Variants in LRRTM4 observed in about 807,000 individuals in gnomAD.
The protein encoded by LRRTM4 is leucine-rich repeat transmembrane neuronal protein 4.
In LRRTM4, 25 loss-of-function variants were observed where a neutral mutation model predicts 47.6. The ratio of observed to expected loss-of-function variants is 0.53; its 90% CI spans 0.38 to 0.73. LRRTM4 has a LOEUF of 0.73. Among genes scored for constraint, LRRTM4 ranks in the 30% least tolerant of loss-of-function variants. The pLI is 0.00. For synonymous variants in LRRTM4, 311 were observed against 269.5 expected, an observed-to-expected ratio of 1.15 and a Z score of -1.51; for missense variants, 638 against 713.4, an observed-to-expected ratio of 0.89 and a Z score of 1.20.
chr2:77,102,836 C>G (rs1449910521), intron 3 of LRRTM4, among the ~76,000 whole-genome samples: 1 of 152,110 alleles, frequency 6.6e-6, no homozygotes, highest in African/African-American at 2.4e-5. Context: ...TCTGCTTTTG[C>G]TAATAAAGTC....
chr2:77,372,102 T>TA (rs1386169363), intron 3 of LRRTM4, among the ~76,000 whole-genome samples: 3 of 151,708 alleles, frequency 2.0e-5, no homozygotes, highest in East Asian at 1.9e-4. Flanking sequence ...ACTAAAGCTT[T>TA]AAAAAAATAT....
chr2:77,226,986 A>G (rs901535284), intron 3 of LRRTM4, among the ~76,000 whole-genome samples: 2 of 151,942 alleles, frequency 1.3e-5, no homozygotes, highest in Non-Finnish European at 2.9e-5. Context: ...CTTATACTCT[A>G]CTAGATGGAA....
chr2:77,188,686 A>C (rs1399372393), intron 3 of LRRTM4, among the ~76,000 whole-genome samples: 2 of 152,126 alleles, frequency 1.3e-5, no homozygotes, highest in Non-Finnish European at 2.9e-5. Flanking sequence ...GATAACATCT[A>C]ATGTGTGTGC....
intron 3 of LRRTM4, among the ~76,000 whole-genome samples, chr2:77,359,735 T>G (rs1423644612): frequency 6.6e-6 from 1 of 152,186 alleles, no homozygotes; most frequent in Non-Finnish European, 1.5e-5. Context: ...TAAGCCTAAT[T>G]TTTTCTTTTC....
At chr2:77,169,230 C>T (rs1350304570) in intron 3 of LRRTM4, among the ~76,000 whole-genome samples, 1 of 152,088 alleles carries the variant, frequency 6.6e-6, no homozygotes, top group African/African-American at 2.4e-5. Context: ...CCGGAGCAAT[C>T]AGGCAAGGGA....
At chr2:76,754,417 G>A (rs1393952385) in intron 3 of LRRTM4, among the ~76,000 whole-genome samples, 1 of 152,054 alleles carries the variant, frequency 6.6e-6, no homozygotes, top group Admixed American at 6.6e-5. Context: ...TACAAGAAAG[G>A]ATATAATGGC....
intron 3 of LRRTM4, among the ~76,000 whole-genome samples, chr2:77,399,319 T>C (rs443237): frequency 0.53 from 81,063 of 151,640 alleles, 22,233 homozygotes; most frequent in East Asian, 0.65. Flanking sequence ...CATTACCTCA[T>C]ACACACATCA....
intron 3 of LRRTM4, among the ~76,000 whole-genome samples, chr2:76,959,499 A>G (rs79519553): frequency 2.6e-5 from 4 of 151,324 alleles, no homozygotes; most frequent in South Asian, 4.1e-4. Context: ...ACCTTTAAAA[A>G]TGGGGTTTGT....
Position 77,025,265 on chromosome 2 carries a change from A to G in LRRTM4, c.1552-276349T>C, listed in dbSNP as rs141336771. Among the ~76,000 whole-genome samples, 89 of 152,304 alleles carry G rather than the reference A, an allele frequency of 5.8e-4. 1 individual carries two copies. In the East Asian group the frequency reaches 0.017, roughly 28 times the overall value. ...AATCCTTTCAAATAATCTCTTTGAA[A>G]AAGGTTGATTTACGACTACAAAATC... On this transcript the variant is annotated intron_variant, in intron 3 of 3. Transcript: ENST00000409884.
At chr2:77,465,130 T>G (rs1364968037) in intron 3 of LRRTM4, among the ~76,000 whole-genome samples, 1 of 152,128 alleles carries the variant, frequency 6.6e-6, no homozygotes, top group Non-Finnish European at 1.5e-5. Context: ...TTTTTTTAAA[T>G]GGTCTTTCTG....
chr2:77,193,407 T>C (rs751241452), intron 3 of LRRTM4, among the ~76,000 whole-genome samples: 4 of 152,226 alleles, frequency 2.6e-5, no homozygotes, highest in Non-Finnish European at 5.9e-5. Flanking sequence ...TTAAATATTG[T>C]TAAATACATT....
intron 3 of LRRTM4, among the ~76,000 whole-genome samples, chr2:76,961,520 CTGAACCATTAGCCA>C (rs1675860490): frequency 6.6e-6 from 1 of 151,340 alleles, no homozygotes; most frequent in African/African-American, 2.4e-5. Context: ...ATTTTCTTCA[CTGAACCATTAGCCA>C]GAATGGTGAG....
chr2:76,898,703 T>A (rs1433836055), intron 3 of LRRTM4, among the ~76,000 whole-genome samples: 1 of 151,648 alleles, frequency 6.6e-6, no homozygotes, highest in Non-Finnish European at 1.5e-5. Flanking sequence ...ACGTATTAAA[T>A]TTTATGGAAA....
intron 3 of LRRTM4, among the ~76,000 whole-genome samples, chr2:77,409,991 C>T (rs182654477): frequency 1.3e-3 from 202 of 152,190 alleles, no homozygotes; most frequent in Middle Eastern, 0.01. Flanking sequence ...CCTGTCATCA[C>T]CAAACCTTTA....
intron 3 of LRRTM4, among the ~76,000 whole-genome samples, chr2:77,322,444 A>G (rs1452710479): frequency 6.6e-6 from 1 of 152,136 alleles, no homozygotes; most frequent in Non-Finnish European, 1.5e-5. Context: ...CAGTTAAACT[A>G]AAAATTATTC....
rs769606109 is a variant in LRRTM4, at chr2:76,825,644, C to T, written c.1552-76728G>A. Among the ~76,000 whole-genome samples the T allele has an allele frequency of 7.9e-5, 12 of 151,556 alleles. 1 individual carries two copies. Among genetic ancestry groups the T allele is most frequent in the Admixed American group, 7.9e-4 (12 of 15,162 alleles). ...CTAAATAGAGATGTCAAGTAGACTACTGAATATACTAAAGTGCTAAGAAAA... is the reference window on the plus strand; with the variant it reads ...CTAAATAGAGATGTCAAGTAGACTATTGAATATACTAAAGTGCTAAGAAAA... On this transcript the variant is annotated intron_variant, in intron 3 of 3. Coordinates refer to ENST00000409884, the MANE Select transcript of LRRTM4 (RefSeq NM_001134745.3).
chr2:77,131,676 G>T (rs2860944), intron 3 of LRRTM4, among the ~76,000 whole-genome samples: 98 of 152,216 alleles, frequency 6.4e-4, no homozygotes, highest in African/African-American at 2.2e-3. Context: ...GGGAAATTAT[G>T]GCTCAGGACA....
Position 77,341,848 on chromosome 2 carries a change from A to G in LRRTM4, c.1551+176470T>C, listed in dbSNP as rs555354222. 2.0e-5 allele frequency among the ~76,000 whole-genome samples: 3 copies of G among 152,092 alleles called. No individual in the cohort carries two copies. The South Asian group carries it at 6.2e-4, about 32-fold the overall frequency. On this transcript the variant is annotated intron_variant, in intron 3 of 3. Coordinates refer to ENST00000409884, the MANE Select transcript of LRRTM4 (RefSeq NM_001134745.3). ...GAAAGAAAGCATTTGTAAAAACAAAACTGTGTGACCAGTTTCACTTGGAAA... is the reference window on the plus strand; with the variant it reads ...GAAAGAAAGCATTTGTAAAAACAAAGCTGTGTGACCAGTTTCACTTGGAAA...
At chr2:76,809,866 C>G (rs1279475084) in intron 3 of LRRTM4, among the ~76,000 whole-genome samples, 2 of 152,072 alleles carry the variant, frequency 1.3e-5, no homozygotes, top group East Asian at 1.9e-4. Flanking sequence ...TCTGTTTTTT[C>G]TGGATGTTAG....
Sources: gnomAD v4.1 joint callset for allele counts (sites outside exome capture counted in the v4.1 genomes callset) on GRCh38, gnomAD v4.1.1 for gene constraint, MANE v1.5 for transcripts, NCBI Gene and HGNC (gene_info 2026-07-23, HGNC 2026-07-21) for gene names.